SLC25A26: variants seen among roughly 807,000 people sequenced by gnomAD.
SLC25A26 encodes mitochondrial S-adenosylmethionine carrier protein.
A neutral mutation model predicts 37.8 loss-of-function variants in SLC25A26; 36 were observed. The ratio of observed to expected loss-of-function variants is 0.95; its 90% CI spans 0.73 to 1.26. SLC25A26 has a LOEUF of 1.26. Ranked by LOEUF, SLC25A26 falls within the 50% of genes most tolerant of loss-of-function variation. The probability of loss-of-function intolerance (pLI) is 0.00; values close to 1 mark genes in which losing one functional copy is unlikely to be tolerated. For synonymous variants in SLC25A26, 129 were observed against 122.5 expected (o/e 1.05, Z -0.35); for missense variants, 390 against 331.1 (o/e 1.18, Z -1.38).
chr3:66,289,657 T>C (rs1405004479), intron 5 of SLC25A26, among the ~76,000 whole-genome samples: 1 of 152,160 alleles, frequency 6.6e-6, no homozygotes, highest in Non-Finnish European at 1.5e-5. Context: ...CTGAGGCCTC[T>C]GTTCTGTCCC....
At chr3:66,225,580 T>A (rs1181158759) in intron 1 of SLC25A26, among the ~76,000 whole-genome samples, 1 of 152,218 alleles carries the variant, frequency 6.6e-6, no homozygotes, top group East Asian at 1.9e-4. Flanking sequence ...TTCCCCACTG[T>A]CTTGTCAGTT....
At chr3:66,338,517 T>A (rs999564433) in intron 5 of SLC25A26, among the ~76,000 whole-genome samples, 34 of 152,164 alleles carry the variant, frequency 2.2e-4, no homozygotes, top group African/African-American at 6.3e-4. Flanking sequence ...AAAAAAAATT[T>A]TTATATCGTG....
intron 1 of SLC25A26, among the ~76,000 whole-genome samples, chr3:66,150,643 T>C (rs1485126130): frequency 4.4e-5 from 4 of 90,952 alleles, no homozygotes; most frequent in Non-Finnish European, 8.8e-5. Flanking sequence ...TATATATATA[T>C]ATATATATAT....
intron 6 of SLC25A26, among the ~76,000 whole-genome samples, chr3:66,357,226 C>T (rs997531030): frequency 2.6e-5 from 4 of 152,092 alleles, no homozygotes; most frequent in Non-Finnish European, 5.9e-5. Context: ...CTACCCTGGG[C>T]AAACATAGCA....
chr3:66,363,435 A>C (rs1391878282), intron 7 of SLC25A26, among the ~76,000 whole-genome samples: 2 of 152,176 alleles, frequency 1.3e-5, no homozygotes. Flanking sequence ...GGAAGTATGG[A>C]GATCTACACA....
At chr3:66,246,923 G>A (rs1431447927) in intron 3 of SLC25A26, among the ~76,000 whole-genome samples, 5 of 152,030 alleles carry the variant, frequency 3.3e-5, no homozygotes, top group East Asian at 1.9e-4. Context: ...GTGCAGTGGC[G>A]CGATCTCGGC....
intron 1 of SLC25A26, among the ~76,000 whole-genome samples, chr3:66,232,381 G>C (rs1465313809): frequency 6.6e-6 from 1 of 152,054 alleles, no homozygotes; most frequent in African/African-American, 2.4e-5. Flanking sequence ...CCTTTTTAAG[G>C]TTGATTTGTA....
intron 1 of SLC25A26, among the ~76,000 whole-genome samples, chr3:66,213,949 A>G (rs2071322785): frequency 6.6e-6 from 1 of 152,162 alleles, no homozygotes; most frequent in Non-Finnish European, 1.5e-5. Flanking sequence ...GTAATTATTC[A>G]TTAAAAATGA....
intron 1 of SLC25A26, among the ~76,000 whole-genome samples, chr3:66,150,565 T>C (rs1161112870): frequency 3.0e-4 from 38 of 127,164 alleles, no homozygotes; most frequent in Non-Finnish European, 5.1e-4. Context: ...TAATGATATA[T>C]ATAAAAATAT....
chr3:66,370,147 A>G (rs2107841625), intron 8 of SLC25A26, among the ~76,000 whole-genome samples: 1 of 152,352 alleles, frequency 6.6e-6, no homozygotes, highest in African/African-American at 2.4e-5. Context: ...GGAACATTTA[A>G]ACGGCACTCT....
chr3:66,226,007 A>G (rs782502214), intron 1 of SLC25A26, among the ~76,000 whole-genome samples: 1 of 152,100 alleles, frequency 6.6e-6, no homozygotes, highest in Admixed American at 6.6e-5. Context: ...GAGCCCTTCA[A>G]ACTGTTCCAA....
intron 1 of SLC25A26, among the ~76,000 whole-genome samples, chr3:66,235,521 A>G (rs1396231393): frequency 6.6e-6 from 1 of 152,352 alleles, no homozygotes; most frequent in Non-Finnish European, 1.5e-5. Flanking sequence ...AAATACATTT[A>G]AAGCAAAGAG....
chr3:66,329,753 G>C (rs1209989685), intron 5 of SLC25A26, among the ~76,000 whole-genome samples: 2 of 151,998 alleles, frequency 1.3e-5, no homozygotes, highest in African/African-American at 2.4e-5. Flanking sequence ...TTATTTATGA[G>C]CTAGAGCCTT....
At chr3:66,257,368 GAA>G (rs2073344974) in intron 3 of SLC25A26, among the ~76,000 whole-genome samples, 1 of 151,668 alleles carries the variant, frequency 6.6e-6, no homozygotes, top group Non-Finnish European at 1.5e-5. Context: ...TAAAAAAAAA[GAA>G]AAGACTCTGG....
At chr3:66,290,080 A>T (rs988849323) in intron 5 of SLC25A26, among the ~76,000 whole-genome samples, 2 of 152,138 alleles carry the variant, frequency 1.3e-5, no homozygotes, top group African/African-American at 2.4e-5. Context: ...CTTTATAGCA[A>T]TTGTGAATGG....
chr3:66,288,348 A>T (rs1215349328), intron 5 of SLC25A26, among the ~76,000 whole-genome samples: 1 of 152,176 alleles, frequency 6.6e-6, no homozygotes, highest in Non-Finnish European at 1.5e-5. Flanking sequence ...TTAAACTTTA[A>T]GTTCTGGGAT....
At chr3:66,221,350 G>A (rs993082681) in intron 1 of SLC25A26, among the ~76,000 whole-genome samples, 2 of 152,212 alleles carry the variant, frequency 1.3e-5, no homozygotes, top group African/African-American at 4.8e-5. Flanking sequence ...GTGGGGGAAG[G>A]AAGGTGAGTC....
intron 3 of SLC25A26, among the ~76,000 whole-genome samples, chr3:66,250,632 A>G (rs1576714744): frequency 6.6e-6 from 1 of 152,188 alleles, no homozygotes; most frequent in African/African-American, 2.4e-5. Context: ...GTTGGGGGGT[A>G]TCACATGCGT....
At chr3:66,309,298 A>G (rs147472294) in intron 5 of SLC25A26, among the ~76,000 whole-genome samples, 5,588 of 152,174 alleles carry the variant, frequency 0.037, 331 homozygotes, top group African/African-American at 0.13. Flanking sequence ...GTTTATTTGC[A>G]TAGAGGTGTT....
Sources: allele counts gnomAD v4.1 joint callset (sites outside exome capture counted in the v4.1 genomes callset), GRCh38; gene constraint gnomAD v4.1.1; transcripts MANE v1.5; gene names NCBI Gene and HGNC (gene_info 2026-07-23, HGNC 2026-07-21).